DLGAP2: variants seen among roughly 807,000 people sequenced by gnomAD.
DLGAP2 encodes the protein DLG associated protein 2.
DLGAP2 carries 26 observed loss-of-function variants against 100.3 expected under a neutral mutation model. The ratio of observed to expected loss-of-function variants is 0.26; its 90% CI spans 0.19 to 0.36. The LOEUF (loss-of-function observed/expected upper bound fraction) is 0.36, where lower values mean the gene tolerates loss of function less well. Ranked by LOEUF, DLGAP2 falls within the 10% of genes least tolerant of loss-of-function variation. DLGAP2 has a pLI of 1.00. For missense variants in DLGAP2, 1,858 were observed against 1,453.2 expected (o/e 1.28, Z -4.53); for synonymous variants, 886 against 630.1 (o/e 1.41, Z -6.08).
chr8:1,437,292 G>T (rs1372482545), intron 3 of DLGAP2, among the ~76,000 whole-genome samples: 1 of 152,262 alleles, frequency 6.6e-6, no homozygotes, highest in South Asian at 2.1e-4. Flanking sequence ...CAGGCATGCA[G>T]GCGCGAAGCC....
intron 2 of DLGAP2, among the ~76,000 whole-genome samples, chr8:1,013,638 A>C (rs1400805241): frequency 6.9e-6 from 1 of 145,166 alleles, no homozygotes; most frequent in Non-Finnish European, 1.5e-5. Flanking sequence ...CGGTGCCTCC[A>C]CTGTGTGTGT....
chr8:1,573,155 A>T (rs1363144560), intron 6 of DLGAP2, among the ~76,000 whole-genome samples: 1 of 84,380 alleles, frequency 1.2e-5, no homozygotes, highest in African/African-American at 5.1e-5. Flanking sequence ...GGTGAACTGG[A>T]GGGGTAATCT....
At chr8:1,272,716 G>A (rs1414671369) in intron 3 of DLGAP2, among the ~76,000 whole-genome samples, 1 of 152,116 alleles carries the variant, frequency 6.6e-6, no homozygotes, top group African/African-American at 2.4e-5. Flanking sequence ...GAGGAGTGTG[G>A]TGTCAAGGTT....
intron 1 of DLGAP2, among the ~76,000 whole-genome samples, chr8:901,732 TC>T (rs953619829): frequency 1.3e-5 from 2 of 152,182 alleles, no homozygotes; most frequent in African/African-American, 4.8e-5. Context: ...GCACGGGGCG[TC>T]CCCATTGCCC....
chr8:752,144 C>T (rs1271259760), intron 1 of DLGAP2, among the ~76,000 whole-genome samples: 1 of 152,208 alleles, frequency 6.6e-6, no homozygotes, highest in African/African-American at 2.4e-5. Context: ...CCTGCACCCC[C>T]TTCTCCCTTC....
chr8:989,220 A>G (rs1440659427), intron 2 of DLGAP2, among the ~76,000 whole-genome samples: 2 of 152,110 alleles, frequency 1.3e-5, no homozygotes, highest in African/African-American at 4.8e-5. Context: ...AGGGCCCAGC[A>G]GTGCTCCCCC....
At chr8:1,153,690 C>A (rs150624923) in intron 2 of DLGAP2, among the ~76,000 whole-genome samples, 1 of 152,274 alleles carries the variant, frequency 6.6e-6, no homozygotes, top group Admixed American at 6.5e-5. Context: ...CAAAACTAGG[C>A]TTTTCCTGCA....
intron 3 of DLGAP2, among the ~76,000 whole-genome samples, chr8:1,464,078 A>T (rs1024042719): frequency 2.1e-4 from 30 of 142,812 alleles, no homozygotes; most frequent in African/African-American, 7.5e-4. Context: ...CGCCTTCCTG[A>T]AGAGCTTCCT....
At chr8:1,605,229 C>T (rs553355640) in intron 6 of DLGAP2, among the ~76,000 whole-genome samples, 26 of 152,258 alleles carry the variant, frequency 1.7e-4, no homozygotes, top group African/African-American at 5.8e-4. Context: ...GCCCCAGATC[C>T]GGACCTCCTG....
chr8:981,205 G>C (rs989064441), intron 2 of DLGAP2, among the ~76,000 whole-genome samples: 1 of 152,114 alleles, frequency 6.6e-6, no homozygotes, highest in Non-Finnish European at 1.5e-5. Flanking sequence ...ATTTCACTTA[G>C]CATAGTGTTT....
At chr8:863,455 G>A (rs922004418) in intron 1 of DLGAP2, among the ~76,000 whole-genome samples, 4 of 152,204 alleles carry the variant, frequency 2.6e-5, no homozygotes, top group African/African-American at 9.7e-5. Flanking sequence ...GCACCTTGTT[G>A]TGTTTCGGCA....
chr8:1,250,366 G>T (rs193183046), intron 2 of DLGAP2: 1,892 of 152,408 alleles, frequency 0.012, 22 homozygotes, highest in Non-Finnish European at 0.017. Context: ...ACAGCTGCAT[G>T]GGTCAGGGGC....
intron 1 of DLGAP2, among the ~76,000 whole-genome samples, chr8:805,489 C>A (rs1023392516): frequency 6.6e-6 from 1 of 152,316 alleles, no homozygotes. Flanking sequence ...AAAGCCCACA[C>A]CCAAACTCAG....
chr8:761,633 T>C (rs1292379681), intron 1 of DLGAP2, among the ~76,000 whole-genome samples: 3 of 152,210 alleles, frequency 2.0e-5, no homozygotes, highest in African/African-American at 7.2e-5. Context: ...TCTTCTTTCA[T>C]GTTTGAAAGC....
chr8:1,489,446 G>A (rs776082352), intron 3 of DLGAP2, among the ~76,000 whole-genome samples: 1 of 152,184 alleles, frequency 6.6e-6, no homozygotes, highest in African/African-American at 2.4e-5. Flanking sequence ...GCTGACCCAC[G>A]TTAGAGGAAG....
At chr8:1,364,137 C>A (rs181994565) in intron 3 of DLGAP2, among the ~76,000 whole-genome samples, 6 of 152,308 alleles carry the variant, frequency 3.9e-5, no homozygotes, top group Middle Eastern at 3.4e-3. Flanking sequence ...CTCCTGAGCC[C>A]GTCTCCCGTG....
At chr8:1,597,602 T>G (rs995687675) in intron 6 of DLGAP2, among the ~76,000 whole-genome samples, 2 of 152,318 alleles carry the variant, frequency 1.3e-5, no homozygotes, top group East Asian at 3.9e-4. Context: ...TAAGTTGGAT[T>G]CCTAGGTATT....
intron 3 of DLGAP2, among the ~76,000 whole-genome samples, chr8:1,268,588 C>G (rs1799514668): frequency 6.6e-6 from 1 of 152,202 alleles, no homozygotes; most frequent in Non-Finnish European, 1.5e-5. Flanking sequence ...AATTTAACAT[C>G]TTTCCGCTGA....
chr8:1,327,791 C>G (rs371408801), intron 3 of DLGAP2, among the ~76,000 whole-genome samples: 1 of 152,198 alleles, frequency 6.6e-6, no homozygotes, highest in African/African-American at 2.4e-5. Context: ...TTGCAATGAG[C>G]AGAGATGGCA....
Sources: gnomAD v4.1 joint callset for allele counts (sites outside exome capture counted in the v4.1 genomes callset) on GRCh38, gnomAD v4.1.1 for gene constraint, MANE v1.5 for transcripts, NCBI Gene and HGNC (gene_info 2026-07-23, HGNC 2026-07-21) for gene names.